The following ATP2B1 variants were observed in gnomAD, a reference collection of about 807,000 sequenced individuals.
The protein encoded by ATP2B1 is ATPase plasma membrane Ca2+ transporting 1.
In ATP2B1, 14 loss-of-function variants were observed where a neutral mutation model predicts 124.2. That is an observed-to-expected ratio of 0.11 (90% confidence interval 0.07 to 0.18). The LOEUF is 0.18. Among genes scored for constraint, ATP2B1 ranks in the 10% least tolerant of loss-of-function variants. The pLI is 1.00. For missense variants in ATP2B1, 763 were observed against 1,466.1 expected (o/e 0.52, Z 7.83); for synonymous variants, 449 against 492.4 (o/e 0.91, Z 1.17).
intron 15 of ATP2B1, among the ~76,000 whole-genome samples, chr12:89,605,911 CAG>C (rs1180940858): frequency 6.6e-6 from 1 of 152,088 alleles, no homozygotes; most frequent in African/African-American, 2.4e-5. Context: ...ATGTATGAAA[CAG>C]AGAATTTGGG....
rs554682707 is a variant in ATP2B1 at position 89,641,479 on chromosome 12, T to TACACCTTATACACATAGCCTA, written c.406+658_406+678dup. Among the ~76,000 whole-genome samples, 200 of 152,342 alleles carry TACACCTTATACACATAGCCTA rather than the reference T, an allele frequency of 1.3e-3. 4 individuals carry two copies. The South Asian group carries it at 0.024, about 18-fold the overall frequency. ...TCCAAACATCAATTTATGTTTCATA[T>TACACCTTATACACATAGCCTA]ACACCTTATACACATAGCCTAAAAG... is the stretch of plus-strand genomic sequence containing the variant. On this transcript the variant is annotated intron_variant, in intron 3 of 20. Transcript: ENST00000428670.
At chr12:89,690,987 C>A (rs934890324) in intron 1 of ATP2B1, among the ~76,000 whole-genome samples, 4 of 152,098 alleles carry the variant, frequency 2.6e-5, no homozygotes, top group Non-Finnish European at 4.4e-5. Context: ...TAAGAATCAT[C>A]CAAGAACATT....
At chr12:89,594,062 T>C (rs1874102166) in intron 20 of ATP2B1, 1 of 152,032 alleles carries the variant, frequency 6.6e-6, no homozygotes, top group Non-Finnish European at 1.5e-5. Flanking sequence ...TTAAGCCATA[T>C]GTCTGGTTAG....
intron 13 of ATP2B1, 96 bp downstream of exon 13, chr12:89,611,097 C>G: frequency 8.8e-7 from 1 of 1,134,558 alleles, no homozygotes; most frequent in East Asian, 2.5e-5. Flanking sequence ...ATGCATGGTG[C>G]CTAACACAGT....
Position 89,629,166 on chromosome 12 carries a change from C to CT in ATP2B1, c.928+1338dup, listed in dbSNP as rs1055925200. Among the ~76,000 whole-genome samples the CT allele has an allele frequency of 4.8e-4, 73 of 152,118 alleles. 1 individual carries two copies. The highest frequency in any genetic ancestry group is 1.6e-3 in the African/African-American group (66 of 41,414). On this transcript the variant is annotated intron_variant, in intron 6 of 20. Coordinates refer to ENST00000428670, the MANE Select transcript of ATP2B1 (RefSeq NM_001366521.1). ...CAAACTTCCCTTCAGCGTTCAATGACTTTCAACTCTTGTGGATTAGGATGG... is the reference window on the plus strand; with the variant it reads ...CAAACTTCCCTTCAGCGTTCAATGACTTTTCAACTCTTGTGGATTAGGATGG...
intron 1 of ATP2B1, among the ~76,000 whole-genome samples, chr12:89,679,901 G>A (rs1409840763): frequency 1.3e-5 from 2 of 152,134 alleles, no homozygotes; most frequent in East Asian, 3.8e-4. Flanking sequence ...TTCTGGGGGA[G>A]AAGATAAACA....
chr12:89,636,198 G>C lies in ATP2B1; in HGVS notation c.407-947C>G, dbSNP rs182165216. 9.9e-5 allele frequency among the ~76,000 whole-genome samples: 15 copies of C among 151,690 alleles called. No homozygotes were observed. The East Asian group carries it at 2.3e-3, about 24-fold the overall frequency. ...AAATCAGTACAAATGGCAGAATAGA[G>C]ATCAGAAAAGGATGTGGGGTGGGAG... is the stretch of plus-strand genomic sequence containing the variant. On this transcript the variant is annotated intron_variant, in intron 3 of 20. Transcript: ENST00000428670.
intron 1 of ATP2B1, among the ~76,000 whole-genome samples, chr12:89,704,236 C>G (rs948414058): frequency 2.0e-5 from 3 of 152,048 alleles, no homozygotes; most frequent in Non-Finnish European, 4.4e-5. Context: ...ATTTAAGACA[C>G]CCCTAGGCCA....
chr12:89,604,477 A>T, intron 15 of ATP2B1, 131 bp from the exon 16 acceptor site: 1 of 641,400 alleles, frequency 1.6e-6, no homozygotes, highest in Non-Finnish European at 2.5e-6. Flanking sequence ...TTACACTAAA[A>T]GAAGGTAACA....
At chr12:89,636,622 A>G (rs1168369688) in intron 3 of ATP2B1, among the ~76,000 whole-genome samples, 2 of 152,204 alleles carry the variant, frequency 1.3e-5, no homozygotes, top group African/African-American at 4.8e-5. Context: ...TAGCATGGTG[A>G]GTACAGACTG....
At chr12:89,662,324 C>T (rs1886811668) in intron 1 of ATP2B1, among the ~76,000 whole-genome samples, 2 of 152,084 alleles carry the variant, frequency 1.3e-5, no homozygotes, top group Admixed American at 1.3e-4. Flanking sequence ...AATATAAGTG[C>T]TTGCATGTAA....
At chr12:89,685,606 C>T (rs1032975598) in intron 1 of ATP2B1, among the ~76,000 whole-genome samples, 1 of 152,106 alleles carries the variant, frequency 6.6e-6, no homozygotes, top group African/African-American at 2.4e-5. Flanking sequence ...TGTGGCCTCA[C>T]CAAGCCTTCC....
chr12:89,673,620 T>C (rs779353750), intron 1 of ATP2B1, among the ~76,000 whole-genome samples: 2 of 152,228 alleles, frequency 1.3e-5, no homozygotes, highest in Non-Finnish European at 2.9e-5. Context: ...AAATACGACA[T>C]CTTGCATACT....
chr12:89,589,065 A>G lies in ATP2B1; in HGVS notation c.*1919T>C, dbSNP rs898259729. 2 of 152,614 alleles carry G rather than the reference A, an allele frequency of 1.3e-5. No individual in the cohort carries two copies. Among genetic ancestry groups the G allele is most frequent in the African/African-American group, 2.4e-5 (1 of 41,460 alleles). The allele number at this position is 152,614 out of a possible 1,614,324, so 9.5% of individuals were successfully genotyped here. On this transcript the variant is annotated 3_prime_UTR_variant, in exon 21 of 21. Transcript: ENST00000428670. ...CTACCTCTTTTTTACAGTATGATTC[A>G]CTATAAATACCTGATGAATAAATGT...
chr12:89,603,405 C>A lies in ATP2B1; in HGVS notation c.2849-151G>T. ...AAACCTGGGATTATCTAGTACAACT[C>A]TCTTGTTTTATAGGCAAGGAAACAG... On this transcript the variant is annotated intron_variant, in intron 17 of 20. Coordinates refer to ENST00000428670, the MANE Select transcript of ATP2B1 (RefSeq NM_001366521.1). The surrounding 1 kb of genome is among the most constrained non-coding windows in gnomAD (Gnocchi z 4.3). 1.4e-6 allele frequency: 1 copy of A among 701,166 alleles called. No homozygotes were observed. The highest frequency in any genetic ancestry group is 2.3e-6 in the Non-Finnish European group (1 of 433,514). The allele number at this position is 701,166 out of a possible 1,614,324, so 43.4% of individuals were successfully genotyped here.
chr12:89,707,458 G>C (rs535063648), intron 1 of ATP2B1, among the ~76,000 whole-genome samples: 10 of 152,144 alleles, frequency 6.6e-5, no homozygotes, highest in African/African-American at 2.2e-4. Flanking sequence ...ACACACGTAT[G>C]AAAAAAATCT....
At chr12:89,634,971 A>G in intron 4 of ATP2B1, 26 bp downstream of exon 4, 2 of 1,612,916 alleles carry the variant, frequency 1.2e-6, no homozygotes, top group Non-Finnish European at 1.7e-6. Flanking sequence ...TTAGTGTCAG[A>G]TGTACTGCTC....
In ATP2B1 at chr12:89,621,800, A is replaced by AC. The variant is rs757733664; in HGVS notation, c.1345-10dup. ...TTATCTTTCATCATTTTCTACAGTGACCAAAAAAAAAAAACTAGTTAAGCT... is the reference window on the plus strand; with the variant it reads ...TTATCTTTCATCATTTTCTACAGTGACCCAAAAAAAAAAAACTAGTTAAGCT... On this transcript the variant is annotated splice_polypyrimidine_tract_variant and intron_variant, in intron 9 of 20. Coordinates refer to ENST00000428670, the MANE Select transcript of ATP2B1 (RefSeq NM_001366521.1). 1.3e-5 allele frequency: 18 copies of AC among 1,354,414 alleles called. No individual in the cohort carries two copies. The highest frequency in any genetic ancestry group is 2.7e-5 in the African/African-American group (1 of 36,644). The allele number at this position is 1,354,414 out of a possible 1,614,324, so 83.9% of individuals were successfully genotyped here.
At chr12:89,595,805 A>G (rs1389967882) in intron 20 of ATP2B1, among the ~76,000 whole-genome samples, 4 of 152,252 alleles carry the variant, frequency 2.6e-5, no homozygotes, top group Non-Finnish European at 5.9e-5. Context: ...TATTAACGAG[A>G]TATGATTTAC....
Sources: gnomAD v4.1 joint callset for allele counts (sites outside exome capture counted in the v4.1 genomes callset) on GRCh38, gnomAD v4.1.1 for gene constraint, Gnocchi (gnomAD v3.1) non-coding constraint, MANE v1.5 for transcripts, NCBI Gene and HGNC (gene_info 2026-07-23, HGNC 2026-07-21) for gene names.